The following SPAG16 variants were observed in gnomAD, a reference collection of about 807,000 sequenced individuals.
SPAG16 encodes sperm-associated antigen 16 protein.
A neutral mutation model predicts 80.4 loss-of-function variants in SPAG16; 86 were observed. The observed-to-expected ratio is 1.07, with a 90% CI of 0.90 to 1.28. The LOEUF (loss-of-function observed/expected upper bound fraction) is 1.28, where lower values mean the gene tolerates loss of function less well. Among genes scored for constraint, SPAG16 ranks in the 50% most tolerant of loss-of-function variants. The pLI, the probability that SPAG16 is intolerant of heterozygous loss-of-function variation, is 0.00. For missense variants in SPAG16, 870 were observed against 765.3 expected, an observed-to-expected ratio of 1.14 and a Z score of -1.61; for synonymous variants, 294 against 265.9, an observed-to-expected ratio of 1.11 and a Z score of -1.03.
intron 9 of SPAG16, among the ~76,000 whole-genome samples, chr2:213,390,169 G>A (rs2067667917): frequency 6.6e-6 from 1 of 152,154 alleles, no homozygotes; most frequent in South Asian, 2.1e-4. Context: ...TGTATATGAG[G>A]TACTTTGAGT....
At chr2:214,331,137 C>G (rs1310016215) in intron 15 of SPAG16, among the ~76,000 whole-genome samples, 3 of 152,194 alleles carry the variant, frequency 2.0e-5, no homozygotes, top group African/African-American at 4.8e-5. Flanking sequence ...GGCAACTGGT[C>G]TCTATGCCCT....
intron 10 of SPAG16, among the ~76,000 whole-genome samples, chr2:213,628,898 G>A (rs1325117015): frequency 6.6e-5 from 10 of 152,030 alleles, no homozygotes; most frequent in Admixed American, 1.3e-4. Flanking sequence ...TCTGTTAAGC[G>A]TGTTGTTTGT....
Position 213,381,061 on chromosome 2 carries a change from G to A in SPAG16, c.942+5942G>A, listed in dbSNP as rs540447066. 3.3e-5 allele frequency among the ~76,000 whole-genome samples: 4 copies of A among 120,500 alleles called. No homozygotes were observed. In the East Asian group the frequency reaches 1.2e-3, roughly 37 times the overall value. The allele number at this position is 120,500 out of a possible 152,430, so 79.1% of individuals were successfully genotyped here. A position where few individuals can be genotyped will look rare whatever the true frequency, so the allele number is the denominator to read the frequency against. On this transcript the variant is annotated intron_variant, in intron 9 of 15. Coordinates refer to ENST00000331683, the MANE Select transcript of SPAG16 (RefSeq NM_024532.5). ...GAAGCCAGGGAAACAATGAAGGAAT[G>A]GGTCCATAAATCCACTGGGCTTACC...
chr2:213,443,273 A>G (rs1392598748), intron 9 of SPAG16, among the ~76,000 whole-genome samples: 1 of 152,126 alleles, frequency 6.6e-6, no homozygotes. Flanking sequence ...TTCATCCTAT[A>G]TGTTTGAGCC....
chr2:214,233,943 G>C (rs1363893600), intron 15 of SPAG16, among the ~76,000 whole-genome samples: 1 of 151,816 alleles, frequency 6.6e-6, no homozygotes, highest in Non-Finnish European at 1.5e-5. Context: ...TTGTTACATA[G>C]GTAAACATGT....
chr2:213,376,008 A>G (rs1349536181), intron 9 of SPAG16, among the ~76,000 whole-genome samples: 1 of 150,672 alleles, frequency 6.6e-6, no homozygotes, highest in Non-Finnish European at 1.5e-5. Flanking sequence ...AAATATTTAT[A>G]CAATACCAGA....
At chr2:214,195,287 A>G (rs185539212) in intron 15 of SPAG16, among the ~76,000 whole-genome samples, 1 of 121,814 alleles carries the variant, frequency 8.2e-6, no homozygotes, top group Admixed American at 8.6e-5. Flanking sequence ...TCAAACACAC[A>G]CAGATAGATG....
intron 1 of SPAG16, among the ~76,000 whole-genome samples, chr2:213,290,772 A>G (rs1435572484): frequency 1.3e-5 from 2 of 152,192 alleles, no homozygotes; most frequent in Non-Finnish European, 2.9e-5. Context: ...TGAAAGTAGA[A>G]CCAGAGTGTA....
rs200253796 is a variant in SPAG16 at position 213,598,381 on chromosome 2, CT to C, written c.1070+108295del. ...TATACAGTGAGTAGTTTTAAGATGCCTTTTGAGGTATCAAATTAATATTTAT... is the reference window on the plus strand; with the variant it reads ...TATACAGTGAGTAGTTTTAAGATGCCTTTGAGGTATCAAATTAATATTTAT... On this transcript the variant is annotated intron_variant, in intron 10 of 15. Transcript: ENST00000331683. Among the ~76,000 whole-genome samples the C allele has an allele frequency of 1.4e-4, 21 of 152,200 alleles. No individual in the cohort carries two copies. The East Asian group carries it at 4.1e-3, about 29-fold the overall frequency.
intron 14 of SPAG16, among the ~76,000 whole-genome samples, chr2:214,108,835 T>C (rs2053527981): frequency 6.6e-6 from 1 of 152,212 alleles, no homozygotes; most frequent in African/African-American, 2.4e-5. Flanking sequence ...ACTTGAGGTA[T>C]TCATTCAGGT....
At chr2:213,503,280 G>C (rs572983962) in intron 10 of SPAG16, among the ~76,000 whole-genome samples, 1 of 152,282 alleles carries the variant, frequency 6.6e-6, no homozygotes, top group Non-Finnish European at 1.5e-5. Flanking sequence ...CAGAAAGGAG[G>C]GATGTAGGGT....
intron 12 of SPAG16, among the ~76,000 whole-genome samples, chr2:213,994,014 T>A (rs1454052149): frequency 6.6e-6 from 1 of 152,158 alleles, no homozygotes; most frequent in Non-Finnish European, 1.5e-5. Flanking sequence ...TACCATTCTG[T>A]TTATGATTCT....
At chr2:213,724,123 C>A (rs1018526383) in intron 10 of SPAG16, among the ~76,000 whole-genome samples, 4 of 152,136 alleles carry the variant, frequency 2.6e-5, no homozygotes, top group African/African-American at 7.2e-5. Context: ...AGCCAAGTAA[C>A]TATTTTTACT....
chr2:213,508,225 T>C (rs998751516), intron 10 of SPAG16, among the ~76,000 whole-genome samples: 3 of 152,164 alleles, frequency 2.0e-5, no homozygotes, highest in Non-Finnish European at 4.4e-5. Context: ...AATGATAGAC[T>C]GGATTAAGAA....
At position 213,297,313 on chromosome 2, in the gene SPAG16, GC is replaced by G. The variant is rs746714119; in HGVS notation, c.236del (p.Ala79GlufsTer30). The G allele has an allele frequency of 6.2e-7, 1 of 1,612,982 alleles. No individual in the cohort carries two copies. Among genetic ancestry groups the G allele is most frequent in the African/African-American group, 1.3e-5 (1 of 74,994 alleles). On this transcript the variant is annotated frameshift_variant, in exon 3 of 16. Transcript: ENST00000331683. LOFTEE classifies it high-confidence loss of function. ...IPEGEEDLAKAIQMAQEQATD... is the reference protein window; with the variant it reads ...IPEGEEDLAKXIQMAQEQATD... ...AGAAGGTGAAGAAGATCTGGCAAAA[GC>G]AATTCAGATGGCCCAAGAACAGGCT... is the stretch of plus-strand genomic sequence containing the variant.
intron 13 of SPAG16, among the ~76,000 whole-genome samples, chr2:214,017,338 T>G (rs2047641126): frequency 6.6e-6 from 1 of 152,164 alleles, no homozygotes; most frequent in African/African-American, 2.4e-5. Flanking sequence ...TATTTTGAAC[T>G]AAAAACTTAG....
At chr2:214,079,355 G>A (rs1195959153) in intron 13 of SPAG16, among the ~76,000 whole-genome samples, 1 of 152,110 alleles carries the variant, frequency 6.6e-6, no homozygotes, top group Non-Finnish European at 1.5e-5. Context: ...ATGCCCTCGA[G>A]AATAGTAATT....
chr2:214,044,198 A>G (rs190765177), intron 13 of SPAG16, among the ~76,000 whole-genome samples: 2 of 152,324 alleles, frequency 1.3e-5, no homozygotes, highest in Admixed American at 1.3e-4. Flanking sequence ...CAATCTTTAC[A>G]TATGCATTAT....
In SPAG16 at chr2:213,596,301, T is replaced by A. The variant is rs1259954430; in HGVS notation, c.1070+106211T>A. Among the ~76,000 whole-genome samples, 3 of 152,258 alleles carry A rather than the reference T, an allele frequency of 2.0e-5. No individual in the cohort carries two copies. In the East Asian group the frequency reaches 5.8e-4, roughly 29 times the overall value. On this transcript the variant is annotated intron_variant, in intron 10 of 15. Transcript: ENST00000331683. ...ATATGTAATATCCTTGTCTTTCTCA[T>A]GAAATATGATGTATTTTAGATTTTG...
Sources: gnomAD v4.1 joint callset for allele counts (sites outside exome capture counted in the v4.1 genomes callset) on GRCh38, gnomAD v4.1.1 for gene constraint, MANE v1.5 for transcripts, NCBI Gene and HGNC (gene_info 2026-07-23, HGNC 2026-07-21) for gene names.